Variants in MAP3K19 observed in about 807,000 individuals in gnomAD.
The protein encoded by MAP3K19 is SPS1/STE20-related protein kinase YSK4.
MAP3K19 carries 91 observed loss-of-function variants against 114.4 expected under a neutral mutation model. The observed-to-expected ratio is 0.80, with a 90% confidence interval of 0.67 to 0.95. MAP3K19 has a LOEUF of 0.95. Among genes scored for constraint, MAP3K19 ranks in the 40% least tolerant of loss-of-function variants. MAP3K19 has a pLI of 0.00. For synonymous variants in MAP3K19, 518 were observed against 530.5 expected (o/e 0.98, Z 0.32); for missense variants, 1,471 against 1,573.2 (o/e 0.94, Z 1.10).
At chr2:135,023,949 TG>T (rs1688149136) in intron 4 of MAP3K19, among the ~76,000 whole-genome samples, 1 of 152,104 alleles carries the variant, frequency 6.6e-6, no homozygotes, top group South Asian at 2.1e-4. Flanking sequence ...CTCCCCTCCA[TG>T]GGCCCAGTTT....
chr2:134,964,656 T>A lies in MAP3K19; in HGVS notation c.*194A>T. 2.4e-6 allele frequency: 1 copy of A among 421,914 alleles called. No homozygotes were observed. Among genetic ancestry groups the A allele is most frequent in the Non-Finnish European group, 4.4e-6 (1 of 228,428 alleles). 26.1% of individuals were successfully genotyped at this position (421,914 alleles called of 1,614,324 possible). A position where few individuals can be genotyped will look rare whatever the true frequency, so the allele number is the denominator to read the frequency against. On this transcript the variant is annotated 3_prime_UTR_variant, in exon 13 of 13. Transcript: ENST00000392915. Reference sequence around the variant, plus strand: ...TTATTAAGAACATGTTTTCTGATACTATGAGTAATAATGTCTGACACTTGA... The same window carrying A: ...TTATTAAGAACATGTTTTCTGATACAATGAGTAATAATGTCTGACACTTGA...
At chr2:134,985,131 C>T (rs1298217058) in intron 10 of MAP3K19, among the ~76,000 whole-genome samples, 1 of 152,114 alleles carries the variant, frequency 6.6e-6, no homozygotes, top group Non-Finnish European at 1.5e-5. Context: ...TGTTGATCTT[C>T]TTCCCCACTC....
In MAP3K19 at chr2:134,999,632, C is replaced by T. The variant is rs370439185; in HGVS notation, c.314+305G>A. Among the ~76,000 whole-genome samples the T allele has an allele frequency of 4.6e-5, 7 of 152,132 alleles. No homozygotes were observed. The East Asian group carries it at 5.8e-4, about 13-fold the overall frequency. ...GCAGTAGGGTCAGCAAACTACAGCC[C>T]GGGGACCAAATCCAGCCTTCAGCCT... On this transcript the variant is annotated intron_variant, in intron 7 of 12. Coordinates refer to ENST00000392915, the MANE Select transcript of MAP3K19 (RefSeq NM_025052.5). This position sits in a 1 kb window ranked among gnomAD's most constrained non-coding sequence, Gnocchi z 4.1.
intron 12 of MAP3K19, among the ~76,000 whole-genome samples, chr2:134,977,651 C>T (rs139437050): frequency 0.01 from 1,563 of 152,000 alleles, 29 homozygotes; most frequent in African/African-American, 0.036. Flanking sequence ...CGTGAGCCAC[C>T]GCGCCCGGCT....
In MAP3K19 at chr2:135,023,322, C is replaced by A. The variant is rs139576010; in HGVS notation, c.22+1304G>T. 22 of 426,226 alleles carry A rather than the reference C, an allele frequency of 5.2e-5. No individual in the cohort carries two copies. The East Asian group carries it at 1.5e-3, about 29-fold the overall frequency. The allele number at this position is 426,226 out of a possible 1,614,324, so 26.4% of individuals were successfully genotyped here. A position where few individuals can be genotyped will look rare whatever the true frequency, so the allele number is the denominator to read the frequency against. On this transcript the variant is annotated intron_variant, in intron 4 of 12. Transcript: ENST00000392915. ...CACTTCCTGAGTCCTGATGTCCCCACCGCTCCTCTCTATCTGCGGGTGCAC... is the reference window on the plus strand; with the variant it reads ...CACTTCCTGAGTCCTGATGTCCCCAACGCTCCTCTCTATCTGCGGGTGCAC...
intron 12 of MAP3K19, among the ~76,000 whole-genome samples, chr2:134,968,530 G>C (rs62168903): frequency 2.5e-4 from 31 of 122,376 alleles, no homozygotes; most frequent in Non-Finnish European, 4.7e-4. Context: ...GCTGCCGGGC[G>C]GAGACGCTCC....
At chr2:135,021,230 C>T (rs1176390372) in intron 5 of MAP3K19, among the ~76,000 whole-genome samples, 1 of 152,020 alleles carries the variant, frequency 6.6e-6, no homozygotes, top group Non-Finnish European at 1.5e-5. Context: ...AAGTAGAGTC[C>T]TCATGATGGG....
Position 135,021,731 on chromosome 2 carries a change from C to T in MAP3K19, c.122G>A (p.Ser41Asn). ...VTKNQNIILQ[S>N]ISRSEEFDQD... ...GGCTCTTACCTCACTTCTGCTGATG[C>T]TTTGCAAGATGATGTTTTGATTTTT... Residue 41 changes from serine (S) to asparagine (N), a missense_variant, in exon 5 of 13, where the codon AGC becomes AAC. Physicochemically the swap from Ser to Asn is conservative, Grantham distance 46. Coordinates refer to ENST00000392915, the MANE Select transcript of MAP3K19 (RefSeq NM_025052.5). 1 of 1,609,572 alleles carries T rather than the reference C, an allele frequency of 6.2e-7. No homozygotes were observed. Among genetic ancestry groups the T allele is most frequent in the Non-Finnish European group, 8.5e-7 (1 of 1,177,008 alleles).
chr2:135,033,770 T>C (rs1362263459), intron 2 of MAP3K19, among the ~76,000 whole-genome samples: 1 of 60,048 alleles, frequency 1.7e-5, no homozygotes, highest in Non-Finnish European at 2.8e-5. Context: ...CCAGTAGGGG[T>C]GGCCGGGCAG....
chr2:134,994,894 C>A (rs1329431960), intron 8 of MAP3K19, among the ~76,000 whole-genome samples: 2 of 151,788 alleles, frequency 1.3e-5, no homozygotes, highest in Non-Finnish European at 2.9e-5. Context: ...GAGAACAGAT[C>A]AAACTGAAAG....
chr2:134,999,015 T>C lies in MAP3K19; in HGVS notation c.315-18A>G, dbSNP rs961264774. 6.2e-7 allele frequency: 1 copy of C among 1,601,606 alleles called. No homozygotes were observed. Among genetic ancestry groups the C allele is most frequent in the African/African-American group, 1.4e-5 (1 of 74,034 alleles). The stretch of plus-strand genomic sequence containing the variant: ...TTATCAGACTAAAGGGGGAGGGAAA[T>C]GTTTGATTTAAAACTCAGTTGCCAC... On this transcript the variant is annotated intron_variant, in intron 7 of 12. Coordinates refer to ENST00000392915, the MANE Select transcript of MAP3K19 (RefSeq NM_025052.5). The surrounding 1 kb of genome is among the most constrained non-coding windows in gnomAD (Gnocchi z 4.1).
chr2:134,991,040 A>G (rs562091894), intron 9 of MAP3K19, among the ~76,000 whole-genome samples: 27 of 151,880 alleles, frequency 1.8e-4, no homozygotes, highest in Non-Finnish European at 7.4e-5. Context: ...AACAAAACAA[A>G]ACAGAACACC....
At chr2:134,980,771 C>A in intron 12 of MAP3K19, 50 bp downstream of exon 12, 1 of 1,534,792 alleles carries the variant, frequency 6.5e-7, no homozygotes, top group Non-Finnish European at 8.9e-7. Context: ...ATGTCTGCCA[C>A]TTGGAATCTC....
chr2:134,988,323 A>G lies in MAP3K19; in HGVS notation c.619-70T>C, dbSNP rs1013967545. The stretch of plus-strand genomic sequence containing the variant: ...AATATCACGCTAACTCGTTTAAAGT[A>G]GTCTAAAGAGATTATAATATCCTCT... On this transcript the variant is annotated intron_variant, in intron 9 of 12. Transcript: ENST00000392915. 27 of 1,285,358 alleles carry G rather than the reference A, an allele frequency of 2.1e-5. 1 individual carries two copies. In the African/African-American group the frequency reaches 2.8e-4, roughly 13 times the overall value. The allele number at this position is 1,285,358 out of a possible 1,614,324, so 79.6% of individuals were successfully genotyped here.
chr2:134,991,803 C>G (rs2105259537), intron 8 of MAP3K19, among the ~76,000 whole-genome samples: 1 of 152,280 alleles, frequency 6.6e-6, no homozygotes, highest in East Asian at 1.9e-4. Flanking sequence ...TATCTCTATT[C>G]TGACAGAAAA....
chr2:134,982,017 G>A (rs1461762307), intron 11 of MAP3K19, among the ~76,000 whole-genome samples: 1 of 149,086 alleles, frequency 6.7e-6, no homozygotes, highest in Non-Finnish European at 1.5e-5. Context: ...TCAGCCTCCT[G>A]AGCAGCTCGT....
At chr2:135,018,597 C>T (rs1009837550) in intron 5 of MAP3K19, among the ~76,000 whole-genome samples, 1 of 152,216 alleles carries the variant, frequency 6.6e-6, no homozygotes, top group African/African-American at 2.4e-5. Flanking sequence ...GTCTTGGCTT[C>T]CCAAAGTGCT....
At chr2:135,038,079 A>C (rs1688570157) in intron 2 of MAP3K19, among the ~76,000 whole-genome samples, 1 of 152,130 alleles carries the variant, frequency 6.6e-6, no homozygotes, top group African/African-American at 2.4e-5. Context: ...TGGTTGCAGG[A>C]GGACATGGGA....
intron 6 of MAP3K19, among the ~76,000 whole-genome samples, chr2:135,002,879 G>A (rs1686545724): frequency 6.6e-6 from 1 of 152,054 alleles, no homozygotes; most frequent in Non-Finnish European, 1.5e-5. Context: ...TCCAACCTGG[G>A]GCCTTCCTGT....
Sources: gnomAD v4.1 joint callset for allele counts (sites outside exome capture counted in the v4.1 genomes callset) on GRCh38, gnomAD v4.1.1 for gene constraint, Gnocchi (gnomAD v3.1) non-coding constraint, MANE v1.5 for transcripts, NCBI Gene and HGNC (gene_info 2026-07-23, HGNC 2026-07-21) for gene names.